The following GALNT8 variants were observed in gnomAD, a reference collection of about 807,000 sequenced individuals.
GALNT8 encodes probable polypeptide N-acetylgalactosaminyltransferase 8.
In GALNT8, 66 loss-of-function variants were observed where a neutral mutation model predicts 62.7. The observed-to-expected ratio is 1.05, with a 90% CI of 0.86 to 1.29. GALNT8 has a LOEUF of 1.29. GALNT8 is among the 50% of genes most tolerant of loss of function. The pLI is 0.00. For synonymous variants in GALNT8, 288 were observed against 294.3 expected, an observed-to-expected ratio of 0.98 and a Z score of 0.22; for missense variants, 771 against 791.8, an observed-to-expected ratio of 0.97 and a Z score of 0.32.
intron 1 of GALNT8, among the ~76,000 whole-genome samples, chr12:4,725,637 C>T (rs944263439): frequency 2.7e-5 from 4 of 145,996 alleles, no homozygotes; most frequent in Non-Finnish European, 1.5e-5. Flanking sequence ...CTCACTGCAA[C>T]CTCCACCTCC....
chr12:4,745,969 C>T (rs888426722), intron 5 of GALNT8, among the ~76,000 whole-genome samples, 175 bp from the exon 6 acceptor site: 2 of 152,170 alleles, frequency 1.3e-5, no homozygotes, highest in Non-Finnish European at 2.9e-5. Flanking sequence ...GTTATGATAA[C>T]GCAGTGGGCG....
At chr12:4,740,402 C>G (rs992757100) in intron 3 of GALNT8, among the ~76,000 whole-genome samples, 1 of 151,540 alleles carries the variant, frequency 6.6e-6, no homozygotes, top group African/African-American at 2.4e-5. Flanking sequence ...ATTGCTTGTT[C>G]TAAGCACCTT....
At chr12:4,730,852 A>G (rs1946218535) in intron 2 of GALNT8, among the ~76,000 whole-genome samples, 1 of 150,678 alleles carries the variant, frequency 6.6e-6, no homozygotes, top group African/African-American at 2.4e-5. Context: ...TGAACCTGAG[A>G]TGATTTTTCT....
At chr12:4,744,770 G>T in intron 4 of GALNT8, 70 bp downstream of exon 4, 1 of 1,017,242 alleles carries the variant, frequency 9.8e-7, no homozygotes, top group African/African-American at 1.6e-5. Context: ...CTGAACACAA[G>T]ACAGGATACT....
chr12:4,736,555 C>A, intron 2 of GALNT8, among the ~76,000 whole-genome samples: 1 of 150,482 alleles, frequency 6.6e-6, no homozygotes, highest in Non-Finnish European at 1.5e-5. Context: ...GAAGCAACCC[C>A]TGGGTAGCCA....
intron 1 of GALNT8, among the ~76,000 whole-genome samples, chr12:4,723,463 C>T (rs926105100): frequency 1.3e-5 from 2 of 152,202 alleles, no homozygotes; most frequent in African/African-American, 2.4e-5. Flanking sequence ...GACTGTCTCA[C>T]CCATCCCCAA....
intron 3 of GALNT8, among the ~76,000 whole-genome samples, chr12:4,740,694 G>A (rs1946268320): frequency 6.6e-6 from 1 of 152,194 alleles, no homozygotes; most frequent in African/African-American, 2.4e-5. Context: ...AAAGTGCTGG[G>A]ATTACAGGTG....
chr12:4,749,837 A>C lies in GALNT8; in HGVS notation c.1173+3579A>C, dbSNP rs899143339. Reference sequence around the variant, plus strand: ...GACTTTTTATTACAGCTTTGATCTCATTACTTGTTATTGTTCTGTTCAGGT... The same window carrying C: ...GACTTTTTATTACAGCTTTGATCTCCTTACTTGTTATTGTTCTGTTCAGGT... On this transcript the variant is annotated intron_variant, in intron 6 of 10. Coordinates refer to ENST00000252318, the MANE Select transcript of GALNT8 (RefSeq NM_017417.2). This position sits in a 1 kb window ranked among gnomAD's most constrained non-coding sequence, Gnocchi z 4.1. 3.9e-5 allele frequency among the ~76,000 whole-genome samples: 6 copies of C among 151,914 alleles called. No homozygotes were observed. The highest frequency in any genetic ancestry group is 1.5e-4 in the African/African-American group (6 of 41,364).
intron 6 of GALNT8, among the ~76,000 whole-genome samples, chr12:4,757,565 A>G (rs1946350748): frequency 1.3e-5 from 2 of 152,212 alleles, no homozygotes; most frequent in Non-Finnish European, 2.9e-5. Flanking sequence ...GCCAGTAGGA[A>G]GATAAAAGGG....
chr12:4,743,862 G>C (rs997178665), intron 3 of GALNT8, among the ~76,000 whole-genome samples: 1 of 152,170 alleles, frequency 6.6e-6, no homozygotes, highest in Non-Finnish European at 1.5e-5. Context: ...TTACTTACAC[G>C]TGAGGAAGTC....
At chr12:4,735,956 A>G (rs1382292510) in intron 2 of GALNT8, among the ~76,000 whole-genome samples, 1 of 152,234 alleles carries the variant, frequency 6.6e-6, no homozygotes, top group Non-Finnish European at 1.5e-5. Flanking sequence ...CTGAAACAAC[A>G]GAGATCTTGG....
rs1031737062 is a variant in GALNT8 at position 4,720,460 on chromosome 12, G to A, written c.-218G>A. 1.1e-5 allele frequency: 6 copies of A among 558,544 alleles called. No individual in the cohort carries two copies. Among genetic ancestry groups the A allele is most frequent in the Non-Finnish European group, 1.9e-5 (6 of 314,930 alleles). 34.6% of individuals were successfully genotyped at this position (558,544 alleles called of 1,614,324 possible). On this transcript the variant is annotated 5_prime_UTR_variant, in exon 1 of 11. Coordinates refer to ENST00000252318, the MANE Select transcript of GALNT8 (RefSeq NM_017417.2). Reference sequence around the variant, plus strand: ...GCAACCTGTGGAAAGCCGCTGAGCGGTTATCCTCTCGGGGCATAAAGACAA... The same window carrying A: ...GCAACCTGTGGAAAGCCGCTGAGCGATTATCCTCTCGGGGCATAAAGACAA...
chr12:4,744,245 A>G (rs1196686852), intron 3 of GALNT8, among the ~76,000 whole-genome samples: 2 of 152,238 alleles, frequency 1.3e-5, no homozygotes, highest in African/African-American at 2.4e-5. Context: ...AAAAGCACTT[A>G]TAACAGTGCC....
intron 10 of GALNT8, among the ~76,000 whole-genome samples, chr12:4,770,444 A>T (rs1042800435): frequency 2.0e-5 from 3 of 152,154 alleles, no homozygotes; most frequent in Non-Finnish European, 4.4e-5. Context: ...GTGGAAGTTG[A>T]GTGGAAATAG....
At chr12:4,769,274 A>C (rs1040481593) in intron 10 of GALNT8, among the ~76,000 whole-genome samples, 10 of 152,182 alleles carry the variant, frequency 6.6e-5, no homozygotes, top group Non-Finnish European at 1.5e-4. Context: ...GAGTGCTCCC[A>C]CACACCACTG....
Position 4,720,627 on chromosome 12 carries a change from C to T in GALNT8, c.-51C>T, listed in dbSNP as rs747579310. 1.7e-6 allele frequency: 2 copies of T among 1,154,660 alleles called. No homozygotes were observed. Among genetic ancestry groups the T allele is most frequent in the Non-Finnish European group, 2.6e-6 (2 of 760,956 alleles). 71.5% of individuals were successfully genotyped at this position (1,154,660 alleles called of 1,614,324 possible). On this transcript the variant is annotated 5_prime_UTR_variant, in exon 1 of 11. Coordinates refer to ENST00000252318, the MANE Select transcript of GALNT8 (RefSeq NM_017417.2). ...GCTGGTTCTGATTCTTAACCTGCTCCAGCAGTGACACACTCAGTCCCACAG... is the reference window on the plus strand; with the variant it reads ...GCTGGTTCTGATTCTTAACCTGCTCTAGCAGTGACACACTCAGTCCCACAG...
chr12:4,750,637 C>T (rs11063327), intron 6 of GALNT8, among the ~76,000 whole-genome samples: 76,916 of 151,848 alleles, frequency 0.51, 20,196 homozygotes, highest in Non-Finnish European at 0.59. Context: ...TTGTGAATAG[C>T]TCTACAATGA....
At chr12:4,758,846 G>A (rs1280023359) in intron 6 of GALNT8, among the ~76,000 whole-genome samples, 2 of 151,620 alleles carry the variant, frequency 1.3e-5, no homozygotes, top group Non-Finnish European at 2.9e-5. Flanking sequence ...GCGCAATCTA[G>A]GCTCATTGCA....
chr12:4,745,291 G>T (rs1187998226), intron 4 of GALNT8, 138 bp from the exon 5 acceptor site: 5 of 653,800 alleles, frequency 7.6e-6, no homozygotes, highest in Non-Finnish European at 1.4e-5. Context: ...ACTCTAGAGA[G>T]TTCTACTCAC....
Sources: allele counts gnomAD v4.1 joint callset (sites outside exome capture counted in the v4.1 genomes callset), GRCh38; gene constraint gnomAD v4.1.1; non-coding constraint Gnocchi (gnomAD v3.1); transcripts MANE v1.5; gene names NCBI Gene and HGNC (gene_info 2026-07-23, HGNC 2026-07-21).